Variants in GRK5 observed in about 807,000 individuals in gnomAD.
The protein encoded by GRK5 is g protein-coupled receptor kinase GRK5.
Under a neutral mutation model 78.4 loss-of-function variants are expected in GRK5, and 40 were observed. The observed-to-expected ratio is 0.51, with a 90% CI of 0.40 to 0.66. The LOEUF (loss-of-function observed/expected upper bound fraction) is 0.66. GRK5 is among the 30% of genes least tolerant of loss of function. The probability of loss-of-function intolerance (pLI) is 0.00; values close to 1 mark genes in which losing one functional copy is unlikely to be tolerated. For missense variants in GRK5, 598 were observed against 759.9 expected, an observed-to-expected ratio of 0.79 and a Z score of 2.50; for synonymous variants, 289 against 296.8, an observed-to-expected ratio of 0.97 and a Z score of 0.27.
intron 1 of GRK5, among the ~76,000 whole-genome samples, chr10:119,251,525 G>C (rs1039110536): frequency 1.3e-5 from 2 of 152,262 alleles, no homozygotes; most frequent in Non-Finnish European, 2.9e-5. Flanking sequence ...AACAGAGGAA[G>C]AAGCCCAGGC....
intron 1 of GRK5, among the ~76,000 whole-genome samples, chr10:119,213,404 G>A (rs1162960209): frequency 6.6e-6 from 1 of 152,078 alleles, no homozygotes; most frequent in Non-Finnish European, 1.5e-5. Flanking sequence ...CCAGCTACTC[G>A]GAAAGCTGAG....
intron 3 of GRK5, among the ~76,000 whole-genome samples, chr10:119,389,503 A>G (rs1382328741): frequency 6.6e-6 from 1 of 152,206 alleles, no homozygotes; most frequent in Non-Finnish European, 1.5e-5. Context: ...AAATGGGTTT[A>G]TATAGTGCAC....
chr10:119,315,034 GTC>G (rs1850460623), intron 1 of GRK5, among the ~76,000 whole-genome samples: 2 of 152,202 alleles, frequency 1.3e-5, no homozygotes, highest in African/African-American at 2.4e-5. Context: ...CCCATCGTCT[GTC>G]TCACTTATGG....
chr10:119,429,230 G>A (rs2133892956), intron 6 of GRK5, among the ~76,000 whole-genome samples: 1 of 152,280 alleles, frequency 6.6e-6, no homozygotes, highest in South Asian at 2.1e-4. Flanking sequence ...GAGTACCCTG[G>A]CTTTTCAGGG....
intron 1 of GRK5, among the ~76,000 whole-genome samples, chr10:119,290,643 C>A (rs1250005634): frequency 6.6e-6 from 1 of 151,940 alleles, no homozygotes; most frequent in African/African-American, 2.4e-5. Flanking sequence ...CCCTTGGAAA[C>A]CTTTCTGCTT....
chr10:119,291,963 T>TTTTTCCTCCTTCTCCTCCTCC (rs1849976802), intron 1 of GRK5, among the ~76,000 whole-genome samples: 1 of 3,742 alleles, frequency 2.7e-4, no homozygotes. Flanking sequence ...TCTCCTCCTC[T>TTTTTCCTCCTTCTCCTCCTCC]TCCTCCTTCT....
chr10:119,411,658 T>C, intron 4 of GRK5, among the ~76,000 whole-genome samples: 1 of 152,096 alleles, frequency 6.6e-6, no homozygotes, highest in South Asian at 2.1e-4. Flanking sequence ...GCTTGGAGAT[T>C]CATATCCTTT....
chr10:119,417,588 T>TC (rs1852484780), intron 4 of GRK5, among the ~76,000 whole-genome samples: 1 of 151,962 alleles, frequency 6.6e-6, no homozygotes, highest in African/African-American at 2.4e-5. Context: ...TTCCAAGGCC[T>TC]CCCGTGCATT....
chr10:119,283,507 C>T (rs1289872091), intron 1 of GRK5, among the ~76,000 whole-genome samples: 2 of 152,208 alleles, frequency 1.3e-5, no homozygotes, highest in South Asian at 4.1e-4. Flanking sequence ...TTCCTGAGGC[C>T]TTGAGTTCCA....
rs139092388 is a variant in GRK5, at chr10:119,290,077, T to G, written c.53-36439T>G. ...ACTATCTGTTCCCGGCTGGGCGTGA[T>G]GGCTCAAGCCTGTAATCCCAGCACT... is the stretch of plus-strand genomic sequence containing the variant. On this transcript the variant is annotated intron_variant, in intron 1 of 15. Coordinates refer to ENST00000392870, the MANE Select transcript of GRK5 (RefSeq NM_005308.3). 8.7e-3 allele frequency among the ~76,000 whole-genome samples: 1,324 copies of G among 152,252 alleles called. 24 individuals are homozygous for G. Among genetic ancestry groups the G allele is most frequent in the African/African-American group, 0.03 (1,252 of 41,546 alleles).
At chr10:119,307,379 G>T (rs956570980) in intron 1 of GRK5, among the ~76,000 whole-genome samples, 13 of 152,136 alleles carry the variant, frequency 8.5e-5, no homozygotes, top group African/African-American at 3.1e-4. Flanking sequence ...TTTCAGATGT[G>T]ATTAAGTTAA....
intron 1 of GRK5, among the ~76,000 whole-genome samples, chr10:119,210,780 TAGAG>T (rs928703460): frequency 1.1e-4 from 17 of 152,140 alleles, no homozygotes; most frequent in African/African-American, 3.9e-4. Context: ...TCCCAAACAA[TAGAG>T]AAACAGACCT....
intron 1 of GRK5, among the ~76,000 whole-genome samples, chr10:119,319,019 G>GCTTT (rs1850538524): frequency 6.6e-6 from 1 of 152,222 alleles, no homozygotes; most frequent in South Asian, 2.1e-4. Context: ...AGAATCAGTG[G>GCTTT]CTTTTTATTA....
chr10:119,368,347 G>C (rs1039856262), intron 2 of GRK5, among the ~76,000 whole-genome samples: 1 of 152,210 alleles, frequency 6.6e-6, no homozygotes, highest in Non-Finnish European at 1.5e-5. Flanking sequence ...TGCTCCAGCC[G>C]TATTGCCACG....
rs1341456221 is a variant in GRK5, at chr10:119,238,267, G to A, written c.52+30298G>A. ...TTATCAGTTTCCTGGGTGGAGGGTG[G>A]ACGGGAAGCGGGGGGCCTTCTGCTG... On this transcript the variant is annotated intron_variant, in intron 1 of 15. Coordinates refer to ENST00000392870, the MANE Select transcript of GRK5 (RefSeq NM_005308.3). The surrounding 1 kb of genome is among the most constrained non-coding windows in gnomAD (Gnocchi z 4.7). 6.6e-6 allele frequency among the ~76,000 whole-genome samples: 1 copy of A among 152,132 alleles called. No homozygotes were observed. The highest frequency in any genetic ancestry group is 1.5e-5 in the Non-Finnish European group (1 of 68,024).
rs892089159 is a variant in GRK5 at position 119,435,267 on chromosome 10, A to G, written c.739-1384A>G. 2.0e-5 allele frequency among the ~76,000 whole-genome samples: 3 copies of G among 152,222 alleles called. No homozygotes were observed. The East Asian group carries it at 5.8e-4, about 29-fold the overall frequency. ...ATTCAGCTCCTTGTTACTTATGCAA[A>G]TTTAGGCAGCCAGCCTGAATTTCTC... is the stretch of plus-strand genomic sequence containing the variant. On this transcript the variant is annotated intron_variant, in intron 8 of 15. Coordinates refer to ENST00000392870, the MANE Select transcript of GRK5 (RefSeq NM_005308.3).
At chr10:119,368,916 CAG>C (rs902830569) in intron 2 of GRK5, among the ~76,000 whole-genome samples, 1 of 152,208 alleles carries the variant, frequency 6.6e-6, no homozygotes, top group African/African-American at 2.4e-5. Context: ...TCACTTCTGG[CAG>C]AGCATCAGGA....
intron 3 of GRK5, among the ~76,000 whole-genome samples, chr10:119,393,956 T>G (rs12775478): frequency 6.8e-6 from 1 of 147,734 alleles, no homozygotes; most frequent in African/African-American, 2.5e-5. Flanking sequence ...TGTTTGTGTG[T>G]GGGTGTCTGT....
At chr10:119,293,797 T>TA (rs1850026861) in intron 1 of GRK5, among the ~76,000 whole-genome samples, 1 of 151,946 alleles carries the variant, frequency 6.6e-6, no homozygotes, top group African/African-American at 2.4e-5. Context: ...CGCCTCGGGG[T>TA]GGTACCCGAG....
Sources: gnomAD v4.1 joint callset for allele counts (sites outside exome capture counted in the v4.1 genomes callset) on GRCh38, gnomAD v4.1.1 for gene constraint, Gnocchi (gnomAD v3.1) non-coding constraint, MANE v1.5 for transcripts, NCBI Gene and HGNC (gene_info 2026-07-23, HGNC 2026-07-21) for gene names.